RMDN2: variants seen among roughly 807,000 people sequenced by gnomAD.
RMDN2 encodes the protein regulator of microtubule dynamics protein 2.
Under a neutral mutation model 52.8 loss-of-function variants are expected in RMDN2, and 61 were observed. The observed-to-expected ratio is 1.16, with a 90% CI of 0.94 to 1.43. RMDN2 has a LOEUF of 1.43. Among genes scored for constraint, RMDN2 ranks in the 40% most tolerant of loss-of-function variants. The probability of loss-of-function intolerance (pLI) is 0.00; values close to 1 mark genes in which losing one functional copy is unlikely to be tolerated. For synonymous variants in RMDN2, 180 were observed against 153.1 expected, an observed-to-expected ratio of 1.18 and a Z score of -1.30; for missense variants, 592 against 475.3, an observed-to-expected ratio of 1.25 and a Z score of -2.28.
At chr2:37,995,725 A>T (rs1675449162) in intron 7 of RMDN2, among the ~76,000 whole-genome samples, 2 of 152,252 alleles carry the variant, frequency 1.3e-5, no homozygotes, top group African/African-American at 4.8e-5. Context: ...GCTAAAATGG[A>T]CCATATATGA....
intron 10 of RMDN2, among the ~76,000 whole-genome samples, chr2:38,045,395 C>A (rs191849826): frequency 7.5e-4 from 114 of 152,264 alleles, no homozygotes; most frequent in African/African-American, 2.5e-3. Flanking sequence ...CAAATGTAGG[C>A]TCCTGTTATA....
At chr2:38,056,549 C>T (rs1266815702) in intron 10 of RMDN2, among the ~76,000 whole-genome samples, 2 of 152,114 alleles carry the variant, frequency 1.3e-5, no homozygotes, top group Admixed American at 6.5e-5. Flanking sequence ...TAAATGATGG[C>T]CTGGATGATC....
chr2:37,987,753 G>A (rs865890024), intron 5 of RMDN2, among the ~76,000 whole-genome samples: 3 of 152,126 alleles, frequency 2.0e-5, no homozygotes, highest in Non-Finnish European at 4.4e-5. Context: ...ACTGTGAAGT[G>A]GGATGTTAAT....
intron 2 of RMDN2, among the ~76,000 whole-genome samples, chr2:37,973,822 T>G (rs1380145356): frequency 6.6e-6 from 1 of 151,350 alleles, no homozygotes; most frequent in Non-Finnish European, 1.5e-5. Context: ...ATAAGAAGAG[T>G]AGTAGGAAAT....
chr2:37,932,952 G>A (rs532467294), intron 2 of RMDN2, among the ~76,000 whole-genome samples: 3 of 151,318 alleles, frequency 2.0e-5, no homozygotes, highest in East Asian at 2.0e-4. Flanking sequence ...GGTGGCTGCC[G>A]GGCGGAGACG....
chr2:38,011,067 G>A (rs775220966), intron 10 of RMDN2, among the ~76,000 whole-genome samples: 7 of 152,158 alleles, frequency 4.6e-5, no homozygotes, highest in African/African-American at 7.2e-5. Flanking sequence ...ATTCCGGGGA[G>A]CTGGAGATTA....
chr2:37,926,796 C>T (rs963226884), intron 1 of RMDN2, among the ~76,000 whole-genome samples: 3 of 152,136 alleles, frequency 2.0e-5, no homozygotes, highest in Non-Finnish European at 4.4e-5. Context: ...ATTAGCCGGG[C>T]GTGGTTGCCC....
At chr2:37,966,971 T>G (rs185654959) in intron 2 of RMDN2, among the ~76,000 whole-genome samples, 7 of 152,200 alleles carry the variant, frequency 4.6e-5, no homozygotes, top group Admixed American at 2.0e-4. Flanking sequence ...AAATTTATGG[T>G]GAAGCTTGGG....
chr2:37,945,487 T>C (rs536190364), intron 2 of RMDN2, among the ~76,000 whole-genome samples: 1 of 152,144 alleles, frequency 6.6e-6, no homozygotes, highest in Non-Finnish European at 1.5e-5. Flanking sequence ...TACCAGCACA[T>C]CTACAAATGA....
chr2:37,988,847 A>G (rs997696173), intron 5 of RMDN2, among the ~76,000 whole-genome samples: 3 of 152,218 alleles, frequency 2.0e-5, no homozygotes, highest in Non-Finnish European at 4.4e-5. Flanking sequence ...CTGAACAAAT[A>G]TTGCATGCAA....
upstream of RMDN2, chr2:37,923,463 C>T (rs1226950669): frequency 6.6e-6 from 1 of 152,012 alleles, no homozygotes; most frequent in African/African-American, 2.4e-5. Context: ...TCAGTGGGCT[C>T]CTGGAAAAGC....
intron 2 of RMDN2, among the ~76,000 whole-genome samples, chr2:37,964,709 C>G (rs1343178762): frequency 6.6e-6 from 1 of 152,080 alleles, no homozygotes; most frequent in Non-Finnish European, 1.5e-5. Context: ...GTTTATAGGT[C>G]TATAGTGATG....
chr2:37,926,204 C>G (rs2124875675), intron 1 of RMDN2, among the ~76,000 whole-genome samples: 2 of 152,258 alleles, frequency 1.3e-5, no homozygotes, highest in African/African-American at 2.4e-5. Context: ...CTCTAAGGGT[C>G]TGCTGATGAA....
intron 10 of RMDN2, among the ~76,000 whole-genome samples, chr2:38,049,759 G>A (rs1464474536): frequency 6.6e-6 from 1 of 152,044 alleles, no homozygotes. Flanking sequence ...TTGTAGAGAT[G>A]GGGTCTTGGT....
chr2:38,050,130 G>A (rs777767828), intron 10 of RMDN2, among the ~76,000 whole-genome samples: 2 of 152,082 alleles, frequency 1.3e-5, no homozygotes, highest in Non-Finnish European at 2.9e-5. Flanking sequence ...TGGCAGAGAG[G>A]ATTTGAACCC....
chr2:37,929,194 G>A (rs1255678863), intron 1 of RMDN2, 68 bp from the exon 2 acceptor site: 2 of 897,698 alleles, frequency 2.2e-6, no homozygotes, highest in East Asian at 2.7e-5. Context: ...GATTGAAAAA[G>A]CACCTATATT....
chr2:38,009,989 TTGCC>T (rs1677715522), intron 10 of RMDN2, among the ~76,000 whole-genome samples: 2 of 152,208 alleles, frequency 1.3e-5, no homozygotes, highest in South Asian at 4.1e-4. Context: ...CAGACCCTGT[TTGCC>T]TGGGTATCAG....
chr2:38,005,789 C>A (rs548935424), intron 10 of RMDN2, among the ~76,000 whole-genome samples: 19 of 152,270 alleles, frequency 1.2e-4, no homozygotes, highest in African/African-American at 4.6e-4. Flanking sequence ...TGCCTATGTC[C>A]TGAATGGTAG....
intron 2 of RMDN2, among the ~76,000 whole-genome samples, chr2:37,971,574 C>G (rs1334679190): frequency 6.6e-6 from 1 of 152,048 alleles, no homozygotes; most frequent in Non-Finnish European, 1.5e-5. Flanking sequence ...TCAATTTCAT[C>G]TTTTTCCATA....
Sources: allele counts gnomAD v4.1 joint callset (sites outside exome capture counted in the v4.1 genomes callset), GRCh38; gene constraint gnomAD v4.1.1; transcripts MANE v1.5; gene names NCBI Gene and HGNC (gene_info 2026-07-23, HGNC 2026-07-21).